Variants in TMEM132B observed in about 807,000 individuals in gnomAD.
The protein encoded by TMEM132B is transmembrane protein 132B.
A neutral mutation model predicts 90.8 loss-of-function variants in TMEM132B; 18 were observed. That is an observed-to-expected ratio of 0.20 (90% CI 0.14 to 0.29). TMEM132B has a LOEUF of 0.29. Ranked by LOEUF, TMEM132B falls within the 10% of genes least tolerant of loss-of-function variation. The pLI is 1.00. For synonymous variants in TMEM132B, 504 were observed against 523.3 expected, an observed-to-expected ratio of 0.96 and a Z score of 0.50; for missense variants, 1,096 against 1,326.8, an observed-to-expected ratio of 0.83 and a Z score of 2.70.
At chr12:125,332,184 CAG>C (rs538985048) in intron 1 of TMEM132B, among the ~76,000 whole-genome samples, 25 of 152,240 alleles carry the variant, frequency 1.6e-4, no homozygotes, top group Middle Eastern at 3.4e-3. Flanking sequence ...ATCCATGTAT[CAG>C]AACATGTTAC....
chr12:125,602,012 A>T (rs1252651109), intron 5 of TMEM132B, among the ~76,000 whole-genome samples: 1 of 152,238 alleles, frequency 6.6e-6, no homozygotes, highest in Non-Finnish European at 1.5e-5. Flanking sequence ...AGACAGATTC[A>T]CAGCCGAATT....
At chr12:125,522,150 G>A (rs1250776678) in intron 4 of TMEM132B, among the ~76,000 whole-genome samples, 4 of 152,148 alleles carry the variant, frequency 2.6e-5, no homozygotes, top group Non-Finnish European at 4.4e-5. Flanking sequence ...TCAACTCGTG[G>A]AGAGGCTTCT....
At chr12:125,467,441 CTCT>C (rs147104655) in intron 3 of TMEM132B, among the ~76,000 whole-genome samples, 1,600 of 152,176 alleles carry the variant, frequency 0.011, 14 homozygotes, top group Non-Finnish European at 0.017. Context: ...CTCCCCCACC[CTCT>C]TCTTCTTCTC....
intron 3 of TMEM132B, among the ~76,000 whole-genome samples, chr12:125,500,114 A>G (rs960450529): frequency 4.6e-5 from 7 of 151,700 alleles, no homozygotes; most frequent in Non-Finnish European, 7.4e-5. Flanking sequence ...GTGTGTGTCT[A>G]TTATTTCTCA....
intron 5 of TMEM132B, among the ~76,000 whole-genome samples, chr12:125,590,559 T>G (rs565434522): frequency 6.6e-6 from 1 of 152,320 alleles, no homozygotes; most frequent in South Asian, 2.1e-4. Context: ...GGTAAAGACT[T>G]GGACCTGATC....
chr12:125,431,328 G>A (rs1019676638), intron 3 of TMEM132B, among the ~76,000 whole-genome samples: 18 of 152,026 alleles, frequency 1.2e-4, no homozygotes, highest in Non-Finnish European at 2.4e-4. Context: ...TGTTAATGAT[G>A]ACATGATGAG....
chr12:125,644,069 C>T lies in TMEM132B; in HGVS notation c.1438-7C>T, dbSNP rs753866693. ...ATGCATCTCAAGGTTCTACCTCCTT[C>T]CCAAAGGTTTCCAACAACTGTGATT... On this transcript the variant is annotated splice_polypyrimidine_tract_variant and splice_region_variant and intron_variant, in intron 5 of 8. Transcript: ENST00000682704. 6 of 1,613,904 alleles carry T rather than the reference C, an allele frequency of 3.7e-6. No individual in the cohort carries two copies. The Admixed American group carries it at 1.0e-4, about 27-fold the overall frequency.
intron 1 of TMEM132B, among the ~76,000 whole-genome samples, chr12:125,271,701 A>G (rs1395104831): frequency 6.6e-6 from 1 of 152,114 alleles, no homozygotes; most frequent in Non-Finnish European, 1.5e-5. Context: ...TACAATGAAG[A>G]GGCCATGTTT....
At chr12:125,202,460 C>T (rs990998642) in intron 1 of TMEM132B, among the ~76,000 whole-genome samples, 1 of 152,210 alleles carries the variant, frequency 6.6e-6, no homozygotes, top group Non-Finnish European at 1.5e-5. Flanking sequence ...GAAAGCTGGA[C>T]TGGGGAATGA....
At chr12:125,386,910 A>C (rs12309267) in intron 2 of TMEM132B, among the ~76,000 whole-genome samples, 19,705 of 151,944 alleles carry the variant, frequency 0.13, 1,463 homozygotes, top group South Asian at 0.2. Flanking sequence ...TAAATCTCAC[A>C]CTCTCTAAAA....
At chr12:125,193,922 G>A (rs1228077727) in intron 1 of TMEM132B, among the ~76,000 whole-genome samples, 2 of 152,210 alleles carry the variant, frequency 1.3e-5, no homozygotes, top group East Asian at 1.9e-4. Flanking sequence ...GCTGGTCATC[G>A]CTTTCCTGCT....
At chr12:125,397,838 C>G (rs1879210878) in intron 2 of TMEM132B, among the ~76,000 whole-genome samples, 1 of 152,170 alleles carries the variant, frequency 6.6e-6, no homozygotes, top group African/African-American at 2.4e-5. Context: ...AGTGGATGAA[C>G]AAAGCACATT....
At chr12:125,267,462 G>C (rs1324659670) in intron 1 of TMEM132B, among the ~76,000 whole-genome samples, 2 of 152,232 alleles carry the variant, frequency 1.3e-5, no homozygotes, top group African/African-American at 2.4e-5. Flanking sequence ...GACCTTGTGT[G>C]TTGGGGGGTT....
intron 1 of TMEM132B, among the ~76,000 whole-genome samples, chr12:125,279,179 G>C (rs766430554): frequency 6.6e-6 from 1 of 152,206 alleles, no homozygotes; most frequent in Non-Finnish European, 1.5e-5. Flanking sequence ...CCTCATCTGT[G>C]ATTGGCTGAC....
intron 2 of TMEM132B, among the ~76,000 whole-genome samples, chr12:125,377,160 G>A (rs1195493142): frequency 6.6e-6 from 1 of 152,236 alleles, no homozygotes; most frequent in Non-Finnish European, 1.5e-5. Flanking sequence ...GAACACCTGT[G>A]CAGGTGGGTA....
intron 1 of TMEM132B, among the ~76,000 whole-genome samples, chr12:125,224,355 G>C (rs1466662359): frequency 6.6e-6 from 1 of 152,190 alleles, no homozygotes; most frequent in Non-Finnish European, 1.5e-5. Context: ...GGTAATTCTA[G>C]GTTAAAGTCA....
In TMEM132B at chr12:125,644,222, C is replaced by T; in HGVS notation, c.1584C>T (p.Ile528=). The T allele has an allele frequency of 6.2e-7, 1 of 1,614,200 alleles. No individual in the cohort carries two copies. The highest frequency in any genetic ancestry group is 8.5e-7 in the Non-Finnish European group (1 of 1,180,046). ...WAPRLPLQIE[I]SDTELSQIKG... is the part of the protein sequence containing the mutation. The stretch of plus-strand genomic sequence containing the variant: ...CCAGGCTCCCCCTGCAGATTGAGAT[C>T]TCAGACACCGAGCTGAGCCAGATCA... The change falls in exon 6 of 9, where the codon ATC becomes ATT. Residue 528 remains isoleucine, a synonymous_variant. Transcript: ENST00000682704.
chr12:125,428,663 T>C (rs1340003468), intron 3 of TMEM132B, among the ~76,000 whole-genome samples: 1 of 152,160 alleles, frequency 6.6e-6, no homozygotes, highest in African/African-American at 2.4e-5. Context: ...CCAACCAAGC[T>C]CACCTCCTGC....
At chr12:125,233,314 G>A (rs1873865669) in intron 1 of TMEM132B, among the ~76,000 whole-genome samples, 1 of 152,204 alleles carries the variant, frequency 6.6e-6, no homozygotes, top group Non-Finnish European at 1.5e-5. Flanking sequence ...AAAGACCCAA[G>A]ATCCTTCTAG....
Sources: allele counts gnomAD v4.1 joint callset (sites outside exome capture counted in the v4.1 genomes callset), GRCh38; gene constraint gnomAD v4.1.1; transcripts MANE v1.5; gene names NCBI Gene and HGNC (gene_info 2026-07-23, HGNC 2026-07-21).